Variants in GBF1 observed in about 807,000 individuals in gnomAD.
GBF1 encodes the protein golgi brefeldin A resistant guanine nucleotide exchange factor 1.
A neutral mutation model predicts 210.5 loss-of-function variants in GBF1; 114 were observed. The observed-to-expected ratio is 0.54, with a 90% CI of 0.47 to 0.63. GBF1 has a LOEUF of 0.63. Among genes scored for constraint, GBF1 ranks in the 30% least tolerant of loss-of-function variants. The pLI is 0.00. For synonymous variants in GBF1, 850 were observed against 889.2 expected (o/e 0.96, Z 0.78); for missense variants, 1,851 against 2,357.7 (o/e 0.79, Z 4.45).
chr10:102,337,268 C>T (rs1394109979), intron 3 of GBF1, among the ~76,000 whole-genome samples: 1 of 96,916 alleles, frequency 1.0e-5, no homozygotes, highest in African/African-American at 4.2e-5. Context: ...GTCCCAGGTA[C>T]TCGGGGGGCT....
chr10:102,370,771 C>T lies in GBF1; in HGVS notation c.3571C>T (p.Gln1191Ter), dbSNP rs1304689068. ...TCTATACCACCTCTGTGTTCAGGCA[C>T]AAGATTTCTGCTTCCTTGTGGAGCG... Reference protein sequence around the residue: ...DHLYHLCVQAQDFCFLVERAV... With the variant: ...DHLYHLCVQA The change falls in exon 29 of 40, where the codon CAA becomes TAA. Residue 1191 changes from glutamine to a stop codon, truncating the protein, a stop_gained. Transcript: ENST00000369983. LOFTEE classifies it high-confidence loss of function. The T allele has an allele frequency of 6.2e-7, 1 of 1,614,082 alleles. No homozygotes were observed. The highest frequency in any genetic ancestry group is 1.7e-5 in the Admixed American group (1 of 60,012).
At chr10:102,332,660 A>G (rs146718622) in intron 3 of GBF1, among the ~76,000 whole-genome samples, 17 of 152,328 alleles carry the variant, frequency 1.1e-4, no homozygotes, top group African/African-American at 4.1e-4. Flanking sequence ...CTGGGATAAC[A>G]AGCGTGAGCC....
chr10:102,243,309 G>A (rs1320265378), upstream of GBF1, among the ~76,000 whole-genome samples: 2 of 152,134 alleles, frequency 1.3e-5, no homozygotes, highest in African/African-American at 4.8e-5. Flanking sequence ...CAGCTTATGT[G>A]TTGTCTGCTA....
intron 3 of GBF1, among the ~76,000 whole-genome samples, chr10:102,278,194 G>T (rs932265259): frequency 6.6e-6 from 1 of 152,122 alleles, no homozygotes; most frequent in Non-Finnish European, 1.5e-5. Flanking sequence ...GGATTTGGAG[G>T]CTGCGGTGAG....
At chr10:102,369,621 G>T in intron 24 of GBF1, 90 bp from the exon 25 acceptor site, 1 of 1,211,644 alleles carries the variant, frequency 8.3e-7, no homozygotes. Flanking sequence ...CAGAAGACTA[G>T]AGGAGGAAAT....
At chr10:102,240,159 T>A in the GBF1 span, among the ~76,000 whole-genome samples, 1 of 152,122 alleles carries the variant, frequency 6.6e-6, no homozygotes, top group African/African-American at 2.4e-5. Flanking sequence ...CTGGGGGGTG[T>A]CTGGTTAATT....
At chr10:102,364,161 G>A (rs371838721) in intron 17 of GBF1, among the ~76,000 whole-genome samples, 1 of 150,968 alleles carries the variant, frequency 6.6e-6, no homozygotes, top group Non-Finnish European at 1.5e-5. Flanking sequence ...ATTCATTCTG[G>A]TGCTTTAGTA....
chr10:102,258,899 A>C (rs200063596), intron 1 of GBF1, 30 bp from the exon 2 acceptor site: 2 of 1,143,550 alleles, frequency 1.7e-6, no homozygotes, highest in African/African-American at 3.0e-5. Flanking sequence ...CCAAATATTA[A>C]CCAGACTATT....
At chr10:102,365,739 T>G (rs1362395137) in intron 18 of GBF1, 140 bp downstream of exon 18, 1 of 718,914 alleles carries the variant, frequency 1.4e-6, no homozygotes, top group African/African-American at 1.8e-5. Context: ...GGTGAAACCC[T>G]GTCTCTACAA....
chr10:102,371,799 C>T (rs979182708), intron 29 of GBF1, among the ~76,000 whole-genome samples: 9 of 151,928 alleles, frequency 5.9e-5, no homozygotes, highest in African/African-American at 1.9e-4. Context: ...TGTGGTGGCA[C>T]ACACCTGTAA....
At chr10:102,273,412 G>T (rs572227541) in intron 3 of GBF1, among the ~76,000 whole-genome samples, 2 of 152,210 alleles carry the variant, frequency 1.3e-5, no homozygotes, top group East Asian at 1.9e-4. Flanking sequence ...ATTGTTTTTC[G>T]CAACTTGTTT....
At chr10:102,323,155 C>G (rs1222186363) in intron 3 of GBF1, among the ~76,000 whole-genome samples, 1 of 127,392 alleles carries the variant, frequency 7.8e-6, no homozygotes, top group Non-Finnish European at 1.7e-5. Context: ...CATGATACCT[C>G]AATCTCCAGG....
chr10:102,250,376 T>G (rs559569261), intron 1 of GBF1, among the ~76,000 whole-genome samples: 1 of 152,208 alleles, frequency 6.6e-6, no homozygotes, highest in South Asian at 2.1e-4. Flanking sequence ...TTGTGTTTTT[T>G]GTAGACACAG....
chr10:102,310,722 A>G (rs1430498878), intron 3 of GBF1, among the ~76,000 whole-genome samples: 1 of 152,210 alleles, frequency 6.6e-6, no homozygotes, highest in Non-Finnish European at 1.5e-5. Flanking sequence ...TGTTTATTAG[A>G]GGTGACATGA....
At chr10:102,370,135 C>A in intron 26 of GBF1, 39 bp from the exon 27 acceptor site, 2 of 1,548,538 alleles carry the variant, frequency 1.3e-6, no homozygotes, top group Non-Finnish European at 1.8e-6. Flanking sequence ...TTCTCTTCAG[C>A]CTTTGTCAAA....
intron 38 of GBF1, 92 bp from the exon 39 acceptor site, chr10:102,381,035 C>T: frequency 8.0e-7 from 1 of 1,242,624 alleles, no homozygotes; most frequent in Non-Finnish European, 1.1e-6. Flanking sequence ...TTGTCTGTGC[C>T]CTGGGTGGGT....
Position 102,355,888 on chromosome 10 carries a change from A to G in GBF1, c.640-2151A>G, listed in dbSNP as rs576495693. Among the ~76,000 whole-genome samples, 4 of 152,308 alleles carry G rather than the reference A, an allele frequency of 2.6e-5. No homozygotes were observed. In the South Asian group the frequency reaches 8.3e-4, roughly 32 times the overall value. ...ATGTTTGGCGGACTCTTCTCCCATAACATTTTTTACTATGAACTTGATCCA... is the reference window on the plus strand; with the variant it reads ...ATGTTTGGCGGACTCTTCTCCCATAGCATTTTTTACTATGAACTTGATCCA... On this transcript the variant is annotated intron_variant, in intron 8 of 39. Coordinates refer to ENST00000369983, the MANE Select transcript of GBF1 (RefSeq NM_001377137.1).
At chr10:102,284,353 C>G (rs1298967969) in intron 3 of GBF1, among the ~76,000 whole-genome samples, 1 of 152,142 alleles carries the variant, frequency 6.6e-6, no homozygotes, top group Non-Finnish European at 1.5e-5. Flanking sequence ...TGTACCCTAT[C>G]TAATTCCAAA....
chr10:102,254,817 G>A (rs763029197), intron 1 of GBF1, among the ~76,000 whole-genome samples: 2 of 151,656 alleles, frequency 1.3e-5, no homozygotes, highest in African/African-American at 2.4e-5. Context: ...TCTTAAGTTC[G>A]TTTCTACTAT....
Sources: gnomAD v4.1 joint callset for allele counts (sites outside exome capture counted in the v4.1 genomes callset) on GRCh38, gnomAD v4.1.1 for gene constraint, MANE v1.5 for transcripts, NCBI Gene and HGNC (gene_info 2026-07-23, HGNC 2026-07-21) for gene names.